The following PPEF1 variants were observed in gnomAD, a reference collection of about 807,000 sequenced individuals.
PPEF1 encodes the protein protein phosphatase with EF-hand domain 1, also known as serine/threonine-protein phosphatase with EF-hands 1.
PPEF1 carries 12 observed loss-of-function variants against 53.3 expected under a neutral mutation model. That is an observed-to-expected ratio of 0.23 (90% CI 0.14 to 0.36). PPEF1 has a LOEUF of 0.36. Ranked by LOEUF, PPEF1 falls within the 10% of genes least tolerant of loss-of-function variation. The pLI, the probability that PPEF1 is intolerant of heterozygous loss-of-function variation, is 1.00. For missense variants in PPEF1, 334 were observed against 490.4 expected (o/e 0.68, Z 3.01); for synonymous variants, 165 against 176.7 (o/e 0.93, Z 0.52).
At chrX:18,749,269 A>C (rs935111652) in intron 3 of PPEF1, among the ~76,000 whole-genome samples, 1 of 112,327 alleles carries the variant, frequency 8.9e-6, no homozygotes, top group African/African-American at 3.2e-5. Context: ...CATGTCAGAA[A>C]GTTTATTTTT....
chrX:18,733,727 A>AT (rs745452856), intron 2 of PPEF1, 21 bp from the exon 3 acceptor site: 104 of 1,141,376 alleles, frequency 9.1e-5, no homozygotes, highest in African/African-American at 5.6e-4. Flanking sequence ...TAATTGATTA[A>AT]TTTTTTTTTA....
rs374251223 is a variant in PPEF1, at chrX:18,777,969, T to A, written c.559-1041T>A. Reference sequence around the variant, plus strand: ...CACGTTGGCCAGGCTAGTCTCAAACTCCTGAACTCAAGTGATCTGCCCGCC... The same window carrying A: ...CACGTTGGCCAGGCTAGTCTCAAACACCTGAACTCAAGTGATCTGCCCGCC... On this transcript the variant is annotated intron_variant, in intron 6 of 15. Coordinates refer to ENST00000470157, the MANE Select transcript of PPEF1 (RefSeq NM_001377996.1). Among the ~76,000 whole-genome samples the A allele has an allele frequency of 2.0e-4, 22 of 110,636 alleles. No homozygotes were observed. In the East Asian group the frequency reaches 3.4e-3, roughly 17 times the overall value.
chrX:18,747,200 G>A (rs1379036261), intron 3 of PPEF1, among the ~76,000 whole-genome samples: 1 of 111,566 alleles, frequency 9.0e-6, no homozygotes, highest in East Asian at 2.8e-4. Flanking sequence ...GGAGATGCAA[G>A]GTCCCGGGGT....
intron 10 of PPEF1, among the ~76,000 whole-genome samples, chrX:18,790,075 G>A (rs911617698): frequency 8.9e-6 from 1 of 111,967 alleles, no homozygotes; most frequent in African/African-American, 3.2e-5. Context: ...ATGGATGAAC[G>A]TTCCAATTTC....
intron 6 of PPEF1, among the ~76,000 whole-genome samples, chrX:18,767,976 C>T (rs2045810685): frequency 9.0e-6 from 1 of 111,241 alleles, no homozygotes; most frequent in Non-Finnish European, 1.9e-5. Flanking sequence ...GTCTTTGTTT[C>T]TCACTGTAAT....
intron 3 of PPEF1, among the ~76,000 whole-genome samples, chrX:18,737,157 G>A (rs1357959731): frequency 8.1e-5 from 9 of 110,825 alleles, no homozygotes; most frequent in African/African-American, 3.0e-4. Context: ...GTTATTTCTC[G>A]CCTTCTGCTA....
At chrX:18,691,157 T>A (rs1929356924) in intron 4 of PPEF1, 1 of 111,732 alleles carries the variant, frequency 8.9e-6, no homozygotes, top group Non-Finnish European at 1.9e-5. Context: ...CATGGGACAA[T>A]GATCGAAAGT....
In PPEF1 at chrX:18,718,426, G is replaced by T. The variant is rs542429686; in HGVS notation, c.46+10600G>T. ...TCTCTACCAAAGGAAAAAAAAAATA[G>T]CTGGACATGGTGGCTCGCACCTGTA... On this transcript the variant is annotated intron_variant, in intron 1 of 15. Transcript: ENST00000470157. Among the ~76,000 whole-genome samples, 3 of 109,864 alleles carry T rather than the reference G, an allele frequency of 2.7e-5. No individual in the cohort carries two copies. In the Admixed American group the frequency reaches 2.9e-4, roughly 11 times the overall value.
intron 1 of PPEF1, among the ~76,000 whole-genome samples, chrX:18,718,121 A>C (rs1421956769): frequency 8.9e-6 from 1 of 111,903 alleles, no homozygotes; most frequent in Non-Finnish European, 1.9e-5. Flanking sequence ...AACAAAACAA[A>C]CCCATCCCAA....
intron 2 of PPEF1, among the ~76,000 whole-genome samples, chrX:18,685,644 C>G (rs1929043621): frequency 1.0e-5 from 1 of 99,751 alleles, no homozygotes; most frequent in Non-Finnish European, 2.0e-5. Context: ...GAGATCTCGC[C>G]ACTGCACTCC....
At chrX:18,743,691 C>T (rs745366424) in intron 3 of PPEF1, among the ~76,000 whole-genome samples, 34 of 109,093 alleles carry the variant, frequency 3.1e-4, no homozygotes, top group Non-Finnish European at 4.6e-4. Flanking sequence ...TCAGGTGATC[C>T]GCCCACCTCG....
chrX:18,827,156 C>G, intron 15 of PPEF1, 120 bp from the exon 16 acceptor site: 2 of 531,559 alleles, frequency 3.8e-6, no homozygotes, highest in South Asian at 6.4e-5. Flanking sequence ...TCAGTATCTT[C>G]ATGATTAGGC....
chrX:18,675,476 C>T (rs1350362828), upstream of PPEF1, among the ~76,000 whole-genome samples: 6 of 113,344 alleles, frequency 5.3e-5, no homozygotes, highest in Non-Finnish European at 1.1e-4. Flanking sequence ...GGGCCCTTTG[C>T]CCGAGGGTGT....
intron 3 of PPEF1, among the ~76,000 whole-genome samples, chrX:18,746,622 C>T (rs1232905001): frequency 1.8e-5 from 2 of 111,344 alleles, no homozygotes; most frequent in African/African-American, 3.3e-5. Context: ...GTCAGTTAGC[C>T]GATGGGAAAG....
chrX:18,692,231 A>C (rs1288314195), intron 4 of PPEF1, among the ~76,000 whole-genome samples: 1 of 112,019 alleles, frequency 8.9e-6, no homozygotes, highest in Admixed American at 9.5e-5. Context: ...CACACTGCTG[A>C]CTGAACTCAC....
chrX:18,773,735 T>C (rs2045913232), intron 6 of PPEF1, among the ~76,000 whole-genome samples: 1 of 112,080 alleles, frequency 8.9e-6, no homozygotes, highest in Admixed American at 9.5e-5. Context: ...TGTGTATTTC[T>C]CAAATAGCTA....
chrX:18,789,372 G>A (rs1393545504), intron 10 of PPEF1, 99 bp downstream of exon 10: 2 of 798,081 alleles, frequency 2.5e-6, no homozygotes, highest in African/African-American at 4.2e-5. Context: ...CCTTTACGAG[G>A]AGACCACATG....
chrX:18,700,243 GTGTGT>G (rs764081279), intron 5 of PPEF1: 19 of 38,181 alleles, frequency 5.0e-4, no homozygotes, highest in Non-Finnish European at 7.4e-4. Context: ...AGAGTGGGGT[GTGTGT>G]GTGTGTGTGT....
chrX:18,728,114 C>G, intron 1 of PPEF1, among the ~76,000 whole-genome samples: 1 of 110,462 alleles, frequency 9.1e-6, no homozygotes, highest in South Asian at 3.9e-4. Context: ...CTAACATACC[C>G]GACATCACAA....
Sources: gnomAD v4.1 joint callset for allele counts (sites outside exome capture counted in the v4.1 genomes callset) on GRCh38, gnomAD v4.1.1 for gene constraint, MANE v1.5 for transcripts, NCBI Gene and HGNC (gene_info 2026-07-23, HGNC 2026-07-21) for gene names.